Variants in CTDSPL observed in about 807,000 individuals in gnomAD.
CTDSPL encodes CTD small phosphatase like.
In CTDSPL, 8 loss-of-function variants were observed where a neutral mutation model predicts 30.5. The observed-to-expected ratio is 0.26, with a 90% confidence interval of 0.15 to 0.47. The LOEUF is 0.47. CTDSPL is among the 20% of genes least tolerant of loss of function. CTDSPL has a pLI of 0.99. For synonymous variants in CTDSPL, 110 were observed against 137.9 expected (o/e 0.80, Z 1.42); for missense variants, 248 against 366.1 (o/e 0.68, Z 2.63).
Position 37,862,112 on chromosome 3 carries a change from G to A in CTDSPL, c.-88G>A, listed in dbSNP as rs1431522876. On this transcript the variant is annotated 5_prime_UTR_variant, in exon 1 of 8. Transcript: ENST00000273179. This position sits in a 1 kb window ranked among gnomAD's most constrained non-coding sequence, Gnocchi z 4.3. ...GCAGCGGCTGCGAGCGCCCCCCCGCGCCGCGCCCCCGCGCCCCCCGCGCCG... is the reference window on the plus strand; with the variant it reads ...GCAGCGGCTGCGAGCGCCCCCCCGCACCGCGCCCCCGCGCCCCCCGCGCCG... The A allele has an allele frequency of 4.5e-6, 2 of 441,366 alleles. No individual in the cohort carries two copies. The highest frequency in any genetic ancestry group is 2.2e-5 in the African/African-American group (1 of 44,830). The allele number at this position is 441,366 out of a possible 1,614,324, so 27.3% of individuals were successfully genotyped here.
Position 37,957,195 on chromosome 3 carries a change from G to A in CTDSPL, c.267+52G>A, listed in dbSNP as rs1484505455. The A allele has an allele frequency of 2.3e-6, 3 of 1,306,656 alleles. No individual in the cohort carries two copies. In the East Asian group the frequency reaches 7.2e-5, roughly 32 times the overall value. 80.9% of individuals were successfully genotyped at this position (1,306,656 alleles called of 1,614,324 possible). On this transcript the variant is annotated intron_variant, in intron 3 of 7. Coordinates refer to ENST00000273179, the MANE Select transcript of CTDSPL (RefSeq NM_001008392.2). ...ATTAAAACAGTCATAAAATCTTGTGGCTTTGGGCCTACTTATATAAAGGAT... is the reference window on the plus strand; with the variant it reads ...ATTAAAACAGTCATAAAATCTTGTGACTTTGGGCCTACTTATATAAAGGAT...
chr3:37,964,399 C>T (rs533992301), intron 3 of CTDSPL, among the ~76,000 whole-genome samples, 172 bp from the exon 4 acceptor site: 4 of 152,262 alleles, frequency 2.6e-5, no homozygotes, highest in Middle Eastern at 3.4e-3. Context: ...TCATTCAGAT[C>T]GTGGCACCGT....
intron 1 of CTDSPL, among the ~76,000 whole-genome samples, chr3:37,935,980 G>A (rs1698911077): frequency 6.6e-6 from 1 of 152,090 alleles, no homozygotes; most frequent in African/African-American, 2.4e-5. Context: ...TGTCAGTATT[G>A]CATACTGTGA....
chr3:37,894,166 T>C (rs933645359), intron 1 of CTDSPL, among the ~76,000 whole-genome samples: 3 of 152,240 alleles, frequency 2.0e-5, no homozygotes, highest in African/African-American at 7.2e-5. Flanking sequence ...ACTGCAGCCT[T>C]GAACTCCTGG....
intron 6 of CTDSPL, among the ~76,000 whole-genome samples, chr3:37,973,017 G>T (rs1004069197): frequency 6.6e-6 from 1 of 152,202 alleles, no homozygotes; most frequent in South Asian, 2.1e-4. Context: ...GCCATTGCTG[G>T]TTGGGTCCAT....
At chr3:37,944,253 A>G (rs1425952172) in intron 1 of CTDSPL, among the ~76,000 whole-genome samples, 1 of 150,498 alleles carries the variant, frequency 6.6e-6, no homozygotes, top group Non-Finnish European at 1.5e-5. Flanking sequence ...TAACCTTTTG[A>G]CATATTTCTT....
intron 2 of CTDSPL, among the ~76,000 whole-genome samples, chr3:37,948,329 C>A (rs180941182): frequency 6.6e-6 from 1 of 151,642 alleles, no homozygotes; most frequent in Non-Finnish European, 1.5e-5. Flanking sequence ...TAAGGATGAG[C>A]GAAGAGACCT....
At chr3:37,957,249 T>A in intron 3 of CTDSPL, 106 bp downstream of exon 3, 1 of 734,522 alleles carries the variant, frequency 1.4e-6, no homozygotes, top group Non-Finnish European at 2.2e-6. Context: ...TTATGGTGAG[T>A]TTATCATGTG....
intron 1 of CTDSPL, among the ~76,000 whole-genome samples, chr3:37,868,299 A>G (rs1056475489): frequency 1.3e-5 from 2 of 151,934 alleles, no homozygotes; most frequent in Admixed American, 6.6e-5. Context: ...GAATTTTTAT[A>G]TATTATAGAT....
At chr3:37,927,609 G>T (rs949632021) in intron 1 of CTDSPL, among the ~76,000 whole-genome samples, 1 of 140,196 alleles carries the variant, frequency 7.1e-6, no homozygotes, top group Non-Finnish European at 1.5e-5. Context: ...GTCTTTTTTT[G>T]TTTAATTGTG....
chr3:37,939,215 G>T (rs1364072143), intron 1 of CTDSPL, among the ~76,000 whole-genome samples: 1 of 150,210 alleles, frequency 6.7e-6, no homozygotes, highest in Non-Finnish European at 1.5e-5. Context: ...TATGTTTGAA[G>T]CTGCTGGTAG....
chr3:37,909,061 G>A (rs980538006), intron 1 of CTDSPL, among the ~76,000 whole-genome samples: 25 of 152,094 alleles, frequency 1.6e-4, no homozygotes, highest in African/African-American at 5.6e-4. Flanking sequence ...TAAATAAACC[G>A]ATACCAATTA....
intron 1 of CTDSPL, among the ~76,000 whole-genome samples, chr3:37,927,672 G>GTATATA (rs1380509955): frequency 5.3e-5 from 7 of 132,852 alleles, no homozygotes; most frequent in Admixed American, 1.5e-4. Flanking sequence ...GTGTGTGTGT[G>GTATATA]TGTGTGTATG....
chr3:37,950,841 A>G (rs1699098311), intron 2 of CTDSPL, among the ~76,000 whole-genome samples: 1 of 152,368 alleles, frequency 6.6e-6, no homozygotes, highest in Admixed American at 6.5e-5. Flanking sequence ...TTTCAAGGAA[A>G]ACAATTATAT....
chr3:37,909,470 C>A (rs946244952), intron 1 of CTDSPL, among the ~76,000 whole-genome samples: 1 of 152,196 alleles, frequency 6.6e-6, no homozygotes, highest in African/African-American at 2.4e-5. Flanking sequence ...TGTGGCCTGC[C>A]CCGCACTGCC....
intron 7 of CTDSPL, among the ~76,000 whole-genome samples, chr3:37,979,944 C>G (rs1699471159): frequency 6.6e-6 from 1 of 152,100 alleles, no homozygotes; most frequent in Non-Finnish European, 1.5e-5. Flanking sequence ...CATTTCTGCC[C>G]TCTCCTCCAC....
chr3:37,952,349 G>C (rs987661850), intron 2 of CTDSPL, among the ~76,000 whole-genome samples: 2 of 152,218 alleles, frequency 1.3e-5, no homozygotes, highest in Non-Finnish European at 2.9e-5. Context: ...TTGGATTTCT[G>C]ATGATGCCAT....
Position 37,967,811 on chromosome 3 carries a change from C to T in CTDSPL, c.370-15C>T. The T allele has an allele frequency of 6.4e-7, 1 of 1,562,782 alleles. No individual in the cohort carries two copies. ...TTCCTTCAGACATATTAATTATAGTCTCTTTTTTCTCTAGCCTATTAGTAA... is the reference window on the plus strand; with the variant it reads ...TTCCTTCAGACATATTAATTATAGTTTCTTTTTTCTCTAGCCTATTAGTAA... On this transcript the variant is annotated splice_polypyrimidine_tract_variant and intron_variant, in intron 4 of 7. Transcript: ENST00000273179.
Position 37,980,859 on chromosome 3 carries a change from A to G in CTDSPL, c.823A>G (p.Asn275Asp). ...DVYSMLHRLC[N>D]R ...GTACAGCATGCTGCACAGACTCTGC[A>G]ATAGGTAGCCCTGGCCTCTGCCTGC... The change falls in exon 8 of 8, where the codon AAT (asparagine) becomes GAT (aspartate). Residue 275 changes from asparagine to aspartate, a missense_variant. Physicochemically the swap from Asn to Asp is conservative, Grantham distance 23. This residue lies in a region of CTDSPL where 84 missense variants were observed against 139.4 expected (regional missense o/e 0.60). Coordinates refer to ENST00000273179, the MANE Select transcript of CTDSPL (RefSeq NM_001008392.2). 6.2e-7 allele frequency: 1 copy of G among 1,613,988 alleles called. No individual in the cohort carries two copies. Among genetic ancestry groups the G allele is most frequent in the Non-Finnish European group, 8.5e-7 (1 of 1,179,946 alleles).
Sources: gnomAD v4.1 joint callset for allele counts (sites outside exome capture counted in the v4.1 genomes callset) on GRCh38, gnomAD v4.1.1 for gene constraint, gnomAD v4.1.1 regional missense constraint, Gnocchi (gnomAD v3.1) non-coding constraint, MANE v1.5 for transcripts, NCBI Gene and HGNC (gene_info 2026-07-23, HGNC 2026-07-21) for gene names.